The following IQGAP1 variants were observed in gnomAD, a reference collection of about 807,000 sequenced individuals.
IQGAP1 encodes the protein IQ motif containing GTPase activating protein 1, also known as ras GTPase-activating-like protein IQGAP1.
In IQGAP1, 66 loss-of-function variants were observed where a neutral mutation model predicts 215.6. The ratio of observed to expected loss-of-function variants is 0.31; its 90% confidence interval spans 0.25 to 0.38. The LOEUF is 0.38. Among genes scored for constraint, IQGAP1 ranks in the 10% least tolerant of loss-of-function variants. The probability of loss-of-function intolerance (pLI) is 1.00; values close to 1 mark genes in which losing one functional copy is unlikely to be tolerated. For missense variants in IQGAP1, 1,712 were observed against 1,997.1 expected, an observed-to-expected ratio of 0.86 and a Z score of 2.72; for synonymous variants, 772 against 728.7, an observed-to-expected ratio of 1.06 and a Z score of -0.96.
intron 33 of IQGAP1, among the ~76,000 whole-genome samples, chr15:90,489,521 A>G (rs1156827475): frequency 6.6e-6 from 1 of 152,100 alleles, no homozygotes; most frequent in Non-Finnish European, 1.5e-5. Context: ...TTAAATGACA[A>G]CTTAGCTAAA....
chr15:90,477,564 C>T (rs764283155), intron 25 of IQGAP1, 101 bp from the exon 26 acceptor site: 128 of 877,062 alleles, frequency 1.5e-4, no homozygotes, highest in Middle Eastern at 4.9e-4. Flanking sequence ...GGGAATGTTT[C>T]GAGAGAAACT....
chr15:90,433,056 G>T (rs1965324234), intron 4 of IQGAP1, among the ~76,000 whole-genome samples: 1 of 152,150 alleles, frequency 6.6e-6, no homozygotes, highest in Non-Finnish European at 1.5e-5. Flanking sequence ...CCTTCGTGTG[G>T]CTTATAGTCT....
chr15:90,439,399 G>A lies in IQGAP1; in HGVS notation c.535G>A (p.Glu179Lys). 1.2e-6 allele frequency: 2 copies of A among 1,610,838 alleles called. No homozygotes were observed. Among genetic ancestry groups the A allele is most frequent in the Non-Finnish European group, 1.7e-6 (2 of 1,177,552 alleles). The change falls in exon 6 of 38, where the codon GAA becomes AAA. Residue 179 changes from glutamate to lysine, a missense_variant and splice_region_variant. Glu to Lys is a moderately conservative substitution (Grantham distance 56, BLOSUM62 1). This residue lies in a region of IQGAP1 where 1,021 missense variants were observed against 1,074.2 expected (regional missense o/e 0.95). Transcript: ENST00000268182. ...QDLYGKVDFTEEEINNMKTEL... is the reference protein window; with the variant it reads ...QDLYGKVDFTKEEINNMKTEL... ...CCTATATGGAAAGGTTGACTTCACA[G>A]GTAAGGAGTTAGATACTTGGCAGGA...
intron 34 of IQGAP1, 103 bp from the exon 35 acceptor site, chr15:90,492,438 AAAAG>A: frequency 1.2e-6 from 1 of 826,380 alleles, no homozygotes; most frequent in Non-Finnish European, 1.7e-6. Flanking sequence ...AAAAAAAAAA[AAAAG>A]TAGGTAGTCA....
In IQGAP1 at chr15:90,433,775, C is replaced by T. The variant is rs748414610; in HGVS notation, c.447C>T (p.Ile149=). The change falls in exon 5 of 38, where the codon ATC becomes ATT. Residue 149 remains isoleucine, a synonymous_variant. Transcript: ENST00000268182. Reference sequence around the variant, plus strand: ...ATCGAAAGAACATGCCAAGATGTATCTACTGTATCCATGCACTCAGGTAGT... The same window carrying T: ...ATCGAAAGAACATGCCAAGATGTATTTACTGTATCCATGCACTCAGGTAGT... ...IYDRKNMPRC[I]YCIHALSLYL... The T allele has an allele frequency of 4.4e-6, 7 of 1,604,732 alleles. No homozygotes were observed. In the Admixed American group the frequency reaches 6.7e-5, roughly 15 times the overall value.
intron 4 of IQGAP1, among the ~76,000 whole-genome samples, chr15:90,431,428 G>GT (rs1965301656): frequency 1.3e-5 from 2 of 152,074 alleles, no homozygotes; most frequent in Non-Finnish European, 2.9e-5. Context: ...TCCTGTTTCT[G>GT]TTTTTTATAT....
intron 8 of IQGAP1, among the ~76,000 whole-genome samples, chr15:90,442,942 A>T (rs532551180): frequency 1.3e-3 from 191 of 152,128 alleles, no homozygotes; most frequent in African/African-American, 4.4e-3. Context: ...ATTGCACTGC[A>T]GCCTGGGTGA....
intron 2 of IQGAP1, among the ~76,000 whole-genome samples, chr15:90,412,254 T>C (rs916915558): frequency 6.6e-6 from 1 of 152,202 alleles, no homozygotes; most frequent in Non-Finnish European, 1.5e-5. Flanking sequence ...TAATTTATAC[T>C]CAGGTTTCCT....
intron 30 of IQGAP1, among the ~76,000 whole-genome samples, 159 bp from the exon 31 acceptor site, chr15:90,485,871 A>G (rs113628586): frequency 2.0e-5 from 3 of 152,174 alleles, no homozygotes; most frequent in African/African-American, 7.2e-5. Flanking sequence ...TATATATCAT[A>G]TTGTTTATTT....
At position 90,494,715 on chromosome 15, in the gene IQGAP1, T is replaced by G. The variant is rs1966249350; in HGVS notation, c.4631T>G (p.Val1544Gly). The G allele has an allele frequency of 1.2e-6, 2 of 1,603,158 alleles. No homozygotes were observed. The highest frequency in any genetic ancestry group is 1.7e-6 in the Non-Finnish European group (2 of 1,175,822). Residue 1544 changes from valine (V) to glycine (G), a missense_variant and splice_region_variant, in exon 36 of 38, where the codon GTC becomes GGC. Val to Gly is a moderately radical substitution (Grantham distance 109). Transcript: ENST00000268182. ...CLDNLASKGK[V>G]SKKPREMKGK... ...GTGACATGATGTGATTTTTACAGAGTCTCCAAAAAGCCTAGGGAAATGAAA... is the reference window on the plus strand; with the variant it reads ...GTGACATGATGTGATTTTTACAGAGGCTCCAAAAAGCCTAGGGAAATGAAA...
chr15:90,463,887 G>T (rs1289468844), intron 15 of IQGAP1, among the ~76,000 whole-genome samples: 1 of 152,128 alleles, frequency 6.6e-6, no homozygotes, highest in Admixed American at 6.6e-5. Context: ...TTTATAAATT[G>T]CAGGGATTGT....
chr15:90,444,243 C>CTGTGTGTGTGTG lies in IQGAP1; in HGVS notation c.913+791_913+802dup, dbSNP rs34494521. The stretch of plus-strand genomic sequence containing the variant: ...GCATTTTTTTGTATGTCCTTCAAAA[C>CTGTGTGTGTGTG]TGTGTGTGTGTGTGTGTGTGTGTGT... On this transcript the variant is annotated intron_variant, in intron 9 of 37. Coordinates refer to ENST00000268182, the MANE Select transcript of IQGAP1 (RefSeq NM_003870.4). 5.3e-3 allele frequency among the ~76,000 whole-genome samples: 677 copies of CTGTGTGTGTGTG among 126,918 alleles called. 5 individuals carry two copies. Among genetic ancestry groups the CTGTGTGTGTGTG allele is most frequent in the East Asian group, 0.017 (72 of 4,302 alleles). The allele number at this position is 126,918 out of a possible 152,430, so 83.3% of individuals were successfully genotyped here.
chr15:90,466,117 T>A, intron 16 of IQGAP1, 26 bp downstream of exon 16: 1 of 1,609,288 alleles, frequency 6.2e-7, no homozygotes, highest in Non-Finnish European at 8.5e-7. Context: ...TTTATTTCTG[T>A]TTTGGTGGAG....
intron 31 of IQGAP1, 136 bp downstream of exon 31, chr15:90,486,268 A>G (rs1719638054): frequency 1.7e-6 from 1 of 572,610 alleles, no homozygotes; most frequent in African/African-American, 1.9e-5. Context: ...TGATCCTGAT[A>G]GTTTCATAAG....
Position 90,474,323 on chromosome 15 carries a change from A to G in IQGAP1, c.2576-162A>G, listed in dbSNP as rs1965948385. On this transcript the variant is annotated intron_variant, in intron 22 of 37. Transcript: ENST00000268182. ...GGCTTGTTGCATTAACCTTTATCATAACATAGCAATAGCCTGACACAGAAG... is the reference window on the plus strand; with the variant it reads ...GGCTTGTTGCATTAACCTTTATCATGACATAGCAATAGCCTGACACAGAAG... 3 of 754,768 alleles carry G rather than the reference A, an allele frequency of 4.0e-6. No homozygotes were observed. In the South Asian group the frequency reaches 5.2e-5, roughly 13 times the overall value. 46.8% of individuals were successfully genotyped at this position (754,768 alleles called of 1,614,324 possible). A position where few individuals can be genotyped will look rare whatever the true frequency, so the allele number is the denominator to read the frequency against.
intron 2 of IQGAP1, among the ~76,000 whole-genome samples, chr15:90,412,744 C>A (rs558983835): frequency 6.6e-6 from 1 of 152,220 alleles, no homozygotes; most frequent in African/African-American, 2.4e-5. Flanking sequence ...AGAAAGACAG[C>A]CAAATTTGGG....
chr15:90,471,792 G>A (rs961147422), intron 18 of IQGAP1, among the ~76,000 whole-genome samples: 2 of 150,960 alleles, frequency 1.3e-5, no homozygotes, highest in Middle Eastern at 3.2e-3. Flanking sequence ...GAGCCACCAC[G>A]CCTGGCCACT....
At chr15:90,467,678 T>C in intron 18 of IQGAP1, 86 bp downstream of exon 18, 1 of 1,359,202 alleles carries the variant, frequency 7.4e-7, no homozygotes, top group Non-Finnish European at 1.0e-6. Context: ...GGGCATGTGG[T>C]CAGAAGCCCT....
chr15:90,416,814 T>C (rs1028725966), intron 2 of IQGAP1, among the ~76,000 whole-genome samples: 1 of 152,146 alleles, frequency 6.6e-6, no homozygotes, highest in Non-Finnish European at 1.5e-5. Context: ...CCTGACCTCA[T>C]GATCCACCTG....
Sources: allele counts gnomAD v4.1 joint callset (sites outside exome capture counted in the v4.1 genomes callset), GRCh38; gene constraint gnomAD v4.1.1; regional missense constraint gnomAD v4.1.1; transcripts MANE v1.5; gene names NCBI Gene and HGNC (gene_info 2026-07-23, HGNC 2026-07-21).